Variants in EXOC4 observed in about 807,000 individuals in gnomAD.
EXOC4 encodes exocyst complex component 4.
EXOC4 carries 71 observed loss-of-function variants against 107.2 expected under a neutral mutation model. The ratio of observed to expected loss-of-function variants is 0.66; its 90% CI spans 0.55 to 0.81. The LOEUF is 0.81. EXOC4 is among the 30% of genes least tolerant of loss of function. EXOC4 has a pLI of 0.00. For missense variants in EXOC4, 1,108 were observed against 1,189.6 expected (o/e 0.93, Z 1.01); for synonymous variants, 456 against 441.2 (o/e 1.03, Z -0.42).
chr7:133,289,300 AT>A (rs756498128), intron 3 of EXOC4, among the ~76,000 whole-genome samples, 184 bp downstream of exon 3: 7 of 152,228 alleles, frequency 4.6e-5, no homozygotes, highest in Non-Finnish European at 8.8e-5. Flanking sequence ...GGTAATTATT[AT>A]TTATGTATTA....
At chr7:133,318,362 G>A (rs1284739046) in intron 5 of EXOC4, among the ~76,000 whole-genome samples, 1 of 152,180 alleles carries the variant, frequency 6.6e-6, no homozygotes, top group Non-Finnish European at 1.5e-5. Context: ...TTTGCAGAGG[G>A]TTCAGCTCAA....
chr7:133,334,569 C>CT (rs976850245), intron 5 of EXOC4, among the ~76,000 whole-genome samples: 27 of 152,048 alleles, frequency 1.8e-4, no homozygotes, highest in Non-Finnish European at 3.4e-4. Flanking sequence ...CTTTTTTATA[C>CT]TCTAAGTTCA....
intron 7 of EXOC4, among the ~76,000 whole-genome samples, chr7:133,401,597 G>A (rs944219125): frequency 1.3e-4 from 19 of 151,494 alleles, no homozygotes; most frequent in Non-Finnish European, 2.5e-4. Flanking sequence ...AGGAGGTTAA[G>A]GCTGCAGTGA....
intron 7 of EXOC4, among the ~76,000 whole-genome samples, chr7:133,382,191 A>G (rs1382318945): frequency 6.6e-6 from 1 of 152,184 alleles, no homozygotes; most frequent in African/African-American, 2.4e-5. Context: ...GGTATTGTTT[A>G]GTAGAGAAGT....
intron 11 of EXOC4, among the ~76,000 whole-genome samples, chr7:133,865,532 G>C (rs1175218104): frequency 6.6e-6 from 1 of 152,066 alleles, no homozygotes; most frequent in Non-Finnish European, 1.5e-5. Flanking sequence ...CTAATGATCA[G>C]TTGTGTTAGT....
At chr7:133,728,080 C>T (rs1477772410) in intron 10 of EXOC4, among the ~76,000 whole-genome samples, 1 of 152,144 alleles carries the variant, frequency 6.6e-6, no homozygotes, top group Non-Finnish European at 1.5e-5. Flanking sequence ...CCCAAATTGC[C>T]ACTTTTCTTG....
At chr7:133,430,436 C>G (rs1437178114) in intron 7 of EXOC4, among the ~76,000 whole-genome samples, 1 of 152,106 alleles carries the variant, frequency 6.6e-6, no homozygotes, top group Non-Finnish European at 1.5e-5. Context: ...GGGAACTGCC[C>G]TCTTCTATCT....
chr7:133,604,710 CTTTTTTTTTTT>C lies in EXOC4; in HGVS notation c.1418-25314_1418-25304del, dbSNP rs61548710. Among the ~76,000 whole-genome samples the C allele has an allele frequency of 8.1e-3, 407 of 50,286 alleles. 2 individuals carry two copies. Among genetic ancestry groups the C allele is most frequent in the Non-Finnish European group, 0.011 (322 of 28,996 alleles). 33.0% of individuals were successfully genotyped at this position (50,286 alleles called of 152,430 possible). A position where few individuals can be genotyped will look rare whatever the true frequency, so the allele number is the denominator to read the frequency against. ...TCTTTCCTTCCTTCCTTCCTTCTTT[CTTTTTTTTTTT>C]TTTTTTTTTTTTTTTTTTTTGAGGC... On this transcript the variant is annotated intron_variant, in intron 9 of 17. Coordinates refer to ENST00000253861, the MANE Select transcript of EXOC4 (RefSeq NM_021807.4).
chr7:133,975,850 G>T lies in EXOC4; in HGVS notation c.2207-21642G>T, dbSNP rs532885863. 9.2e-5 allele frequency among the ~76,000 whole-genome samples: 14 copies of T among 152,098 alleles called. 1 individual carries two copies. The South Asian group carries it at 2.9e-3, about 32-fold the overall frequency. On this transcript the variant is annotated intron_variant, in intron 14 of 17. Transcript: ENST00000253861. ...AAATTGGGAAACTGAGTCACAGGTAGAGTAAAATAACTCAAACAAGGACAC... is the reference window on the plus strand; with the variant it reads ...AAATTGGGAAACTGAGTCACAGGTATAGTAAAATAACTCAAACAAGGACAC...
chr7:134,003,956 G>C (rs933312303), intron 15 of EXOC4, among the ~76,000 whole-genome samples: 10 of 152,064 alleles, frequency 6.6e-5, no homozygotes, highest in South Asian at 4.1e-4. Flanking sequence ...TTTTCACACA[G>C]AAATGCCCTC....
At position 134,003,809 on chromosome 7, in the gene EXOC4, A is replaced by G. The variant is rs200097403; in HGVS notation, c.2349-1103A>G. 2.8e-4 allele frequency among the ~76,000 whole-genome samples: 43 copies of G among 151,716 alleles called. No homozygotes were observed. The East Asian group carries it at 5.5e-3, about 19-fold the overall frequency. ...TACCTGCATGTAGGGCAGAATTTGG[A>G]CTGAAACACTTTGATTACAACTTTA... On this transcript the variant is annotated intron_variant, in intron 15 of 17. Transcript: ENST00000253861.
chr7:133,363,694 A>G (rs1317193667), intron 6 of EXOC4, among the ~76,000 whole-genome samples: 2 of 152,176 alleles, frequency 1.3e-5, no homozygotes, highest in Non-Finnish European at 2.9e-5. Context: ...TGACCAGTCA[A>G]AGAAATAGAG....
At chr7:133,844,610 G>C (rs959934179) in intron 11 of EXOC4, among the ~76,000 whole-genome samples, 1 of 151,690 alleles carries the variant, frequency 6.6e-6, no homozygotes, top group Non-Finnish European at 1.5e-5. Context: ...GGATGGTCTC[G>C]ATCTCTTGAT....
chr7:133,738,159 G>C (rs1160017109), intron 10 of EXOC4, among the ~76,000 whole-genome samples: 1 of 151,826 alleles, frequency 6.6e-6, no homozygotes, highest in Non-Finnish European at 1.5e-5. Context: ...TGATCCTCCT[G>C]CTTCGGCCTC....
At chr7:133,420,509 AT>A (rs1174127539) in intron 7 of EXOC4, among the ~76,000 whole-genome samples, 1 of 152,054 alleles carries the variant, frequency 6.6e-6, no homozygotes, top group Non-Finnish European at 1.5e-5. Context: ...AGAGTCTTGT[AT>A]AGTGTCATGT....
chr7:133,469,073 A>T (rs1798805412), intron 7 of EXOC4, among the ~76,000 whole-genome samples: 1 of 152,184 alleles, frequency 6.6e-6, no homozygotes, highest in African/African-American at 2.4e-5. Flanking sequence ...ATCAAAGAGG[A>T]CCAATATACT....
At chr7:133,752,000 A>AATAAATAAATAAATAG (rs1297547256) in intron 10 of EXOC4, among the ~76,000 whole-genome samples, 1 of 151,540 alleles carries the variant, frequency 6.6e-6, no homozygotes, top group Non-Finnish European at 1.5e-5. Context: ...TAAATAAATA[A>AATAAATAAATAAATAG]ATAAATAAAT....
At chr7:133,586,917 G>T (rs1801419663) in intron 9 of EXOC4, among the ~76,000 whole-genome samples, 1 of 152,016 alleles carries the variant, frequency 6.6e-6, no homozygotes, top group African/African-American at 2.4e-5. Context: ...TGCAACCTCT[G>T]CCTCCCGGGT....
rs181542253 is a variant in EXOC4, at chr7:133,347,743, G to A, written c.764-8587G>A. Among the ~76,000 whole-genome samples the A allele has an allele frequency of 1.1e-3, 174 of 152,232 alleles. 3 individuals are homozygous for A. The East Asian group carries it at 0.027, about 24-fold the overall frequency. ...ATCCATATCTATACATACAATGTGT[G>A]TGTGTGTGTAGGGGGCTGTGATCAC... On this transcript the variant is annotated intron_variant, in intron 5 of 17. Coordinates refer to ENST00000253861, the MANE Select transcript of EXOC4 (RefSeq NM_021807.4).
Sources: allele counts gnomAD v4.1 joint callset (sites outside exome capture counted in the v4.1 genomes callset), GRCh38; gene constraint gnomAD v4.1.1; transcripts MANE v1.5; gene names NCBI Gene and HGNC (gene_info 2026-07-23, HGNC 2026-07-21).